RNF220: variants seen among roughly 807,000 people sequenced by gnomAD.
RNF220 encodes the protein ring finger protein 220.
RNF220 carries 7 observed loss-of-function variants against 67.1 expected under a neutral mutation model. That is an observed-to-expected ratio of 0.10 (90% CI 0.06 to 0.20). RNF220 has a LOEUF of 0.20. Ranked by LOEUF, RNF220 falls within the 10% of genes least tolerant of loss-of-function variation. RNF220 has a pLI of 1.00. For missense variants in RNF220, 565 were observed against 740.3 expected, an observed-to-expected ratio of 0.76 and a Z score of 2.75; for synonymous variants, 270 against 283.2, an observed-to-expected ratio of 0.95 and a Z score of 0.47.
At chr1:44,585,449 T>G (rs991455916) in intron 2 of RNF220, among the ~76,000 whole-genome samples, 3 of 152,262 alleles carry the variant, frequency 2.0e-5, no homozygotes, top group African/African-American at 7.2e-5. Context: ...CTGTCTGCAC[T>G]GCTTCCCTCC....
chr1:44,406,299 G>C (rs1228539064), intron 1 of RNF220, among the ~76,000 whole-genome samples: 1 of 152,152 alleles, frequency 6.6e-6, no homozygotes, highest in African/African-American at 2.4e-5. Context: ...TAGCATAGAG[G>C]CGGACCGTTC....
At chr1:44,428,086 G>A (rs1649977733) in intron 2 of RNF220, among the ~76,000 whole-genome samples, 1 of 152,126 alleles carries the variant, frequency 6.6e-6, no homozygotes, top group African/African-American at 2.4e-5. Context: ...GTTATATGGG[G>A]GCTGGAGCAG....
chr1:44,444,478 G>A (rs966270739), intron 2 of RNF220, among the ~76,000 whole-genome samples: 4 of 151,822 alleles, frequency 2.6e-5, no homozygotes, highest in African/African-American at 9.7e-5. Flanking sequence ...GTCTCACTCT[G>A]TTGCTCAACT....
At chr1:44,524,843 C>G (rs1412911877) in intron 2 of RNF220, among the ~76,000 whole-genome samples, 2 of 152,158 alleles carry the variant, frequency 1.3e-5, no homozygotes, top group African/African-American at 4.8e-5. Context: ...TATAGCTTGT[C>G]AGAGGTATTT....
intron 2 of RNF220, among the ~76,000 whole-genome samples, chr1:44,423,202 T>C (rs936144487): frequency 6.6e-6 from 1 of 152,214 alleles, no homozygotes; most frequent in Non-Finnish European, 1.5e-5. Flanking sequence ...TACGCTGATA[T>C]CTGAAAATCA....
chr1:44,471,486 A>G (rs542446029), intron 2 of RNF220, among the ~76,000 whole-genome samples: 2 of 152,114 alleles, frequency 1.3e-5, no homozygotes, highest in South Asian at 4.2e-4. Context: ...TCATTCAACT[A>G]TCACCACCCT....
At chr1:44,571,751 C>T (rs1383534660) in intron 2 of RNF220, among the ~76,000 whole-genome samples, 1 of 152,248 alleles carries the variant, frequency 6.6e-6, no homozygotes, top group Non-Finnish European at 1.5e-5. Context: ...TACAGGACAT[C>T]TCCCCATGTG....
chr1:44,447,989 C>G (rs1652275190), intron 2 of RNF220, among the ~76,000 whole-genome samples: 1 of 152,218 alleles, frequency 6.6e-6, no homozygotes, highest in Admixed American at 6.5e-5. Context: ...CTGACAGTCA[C>G]ATTCCCTTTA....
At chr1:44,474,516 A>G (rs1254190038) in intron 2 of RNF220, among the ~76,000 whole-genome samples, 1 of 151,694 alleles carries the variant, frequency 6.6e-6, no homozygotes, top group Non-Finnish European at 1.5e-5. Context: ...CAAGACCAGC[A>G]TGGGCTGCAC....
At chr1:44,474,378 AAATAATAATAATAAT>A (rs61147848) in intron 2 of RNF220, among the ~76,000 whole-genome samples, 105 of 137,668 alleles carry the variant, frequency 7.6e-4, no homozygotes, top group Middle Eastern at 3.6e-3. Flanking sequence ...CTGTCTCCAA[AAATAATAATAATAAT>A]AATAATAATA....
intron 5 of RNF220, chr1:44,632,129 TCC>T (rs1182621522): frequency 4.0e-6 from 6 of 1,518,030 alleles, no homozygotes; most frequent in Non-Finnish European, 5.3e-6. Flanking sequence ...GGCCACGGGG[TCC>T]CGTTAGAGCA....
intron 2 of RNF220, among the ~76,000 whole-genome samples, chr1:44,537,602 G>C (rs561661886): frequency 6.6e-6 from 1 of 152,236 alleles, no homozygotes; most frequent in East Asian, 1.9e-4. Context: ...TCTCTTCAGA[G>C]GGAGTCTATT....
chr1:44,617,499 G>A (rs1198262126), intron 3 of RNF220, among the ~76,000 whole-genome samples: 1 of 152,268 alleles, frequency 6.6e-6, no homozygotes, highest in Non-Finnish European at 1.5e-5. Flanking sequence ...GTAATTGGGT[G>A]CGTGATAAAT....
At chr1:44,407,282 A>T (rs1572396808) in intron 1 of RNF220, among the ~76,000 whole-genome samples, 1 of 152,090 alleles carries the variant, frequency 6.6e-6, no homozygotes, top group Non-Finnish European at 1.5e-5. Context: ...AGGGGAGAGA[A>T]AGGAAAAATA....
chr1:44,487,921 C>A (rs965596268), intron 2 of RNF220, among the ~76,000 whole-genome samples: 1 of 150,812 alleles, frequency 6.6e-6, no homozygotes, highest in Non-Finnish European at 1.5e-5. Context: ...AACTAGGGAC[C>A]TGCTCACTTT....
At chr1:44,518,126 T>A (rs1326141667) in intron 2 of RNF220, among the ~76,000 whole-genome samples, 1 of 150,072 alleles carries the variant, frequency 6.7e-6, no homozygotes, top group Non-Finnish European at 1.5e-5. Flanking sequence ...AAATAAAATA[T>A]AAATAAATCC....
intron 12 of RNF220, among the ~76,000 whole-genome samples, chr1:44,646,543 C>A (rs1644653886): frequency 1.3e-5 from 2 of 152,216 alleles, no homozygotes; most frequent in South Asian, 4.1e-4. Flanking sequence ...ATAATTCTCT[C>A]CTACTCCAGC....
chr1:44,531,808 C>G (rs933545214), intron 2 of RNF220, among the ~76,000 whole-genome samples: 1 of 152,140 alleles, frequency 6.6e-6, no homozygotes, highest in Non-Finnish European at 1.5e-5. Flanking sequence ...TGAGGGGGAG[C>G]TCATTATTCT....
chr1:44,542,162 C>G (rs946787404), intron 2 of RNF220, among the ~76,000 whole-genome samples: 4 of 152,182 alleles, frequency 2.6e-5, no homozygotes, highest in Non-Finnish European at 5.9e-5. Flanking sequence ...CAGTGCAGAC[C>G]CAGTGGACCC....
Sources: allele counts gnomAD v4.1 joint callset (sites outside exome capture counted in the v4.1 genomes callset), GRCh38; gene constraint gnomAD v4.1.1; transcripts MANE v1.5; gene names NCBI Gene and HGNC (gene_info 2026-07-23, HGNC 2026-07-21).